Variants in PRKAG2 observed in about 807,000 individuals in gnomAD.
PRKAG2 encodes protein kinase AMP-activated non-catalytic subunit gamma 2, also known as 5'-AMP-activated protein kinase subunit gamma-2.
Under a neutral mutation model 69.6 loss-of-function variants are expected in PRKAG2, and 26 were observed. The observed-to-expected ratio is 0.37, with a 90% CI of 0.27 to 0.52. PRKAG2 has a LOEUF of 0.52. Among genes scored for constraint, PRKAG2 ranks in the 20% least tolerant of loss-of-function variants. The probability of loss-of-function intolerance (pLI) is 0.90; values close to 1 mark genes in which losing one functional copy is unlikely to be tolerated. For missense variants in PRKAG2, 557 were observed against 740.0 expected (o/e 0.75, Z 2.87); for synonymous variants, 293 against 285.0 (o/e 1.03, Z -0.28).
At chr7:151,693,060 G>T (rs903510211) in intron 3 of PRKAG2, among the ~76,000 whole-genome samples, 4 of 152,188 alleles carry the variant, frequency 2.6e-5, no homozygotes, top group African/African-American at 9.7e-5. Context: ...GAGCAGAAAG[G>T]GAGATCCCAC....
chr7:151,711,315 T>G (rs1214637670), intron 3 of PRKAG2, among the ~76,000 whole-genome samples: 5 of 147,386 alleles, frequency 3.4e-5, no homozygotes, highest in Admixed American at 2.7e-4. Context: ...GTGCTAGGTT[T>G]AGAGTACTGA....
At chr7:151,848,294 C>G (rs1777695005) in intron 1 of PRKAG2, among the ~76,000 whole-genome samples, 1 of 152,048 alleles carries the variant, frequency 6.6e-6, no homozygotes, top group Admixed American at 6.6e-5. Context: ...TGGAAGGAAC[C>G]AGTGAGGCCT....
At chr7:151,746,574 G>A (rs990699753) in intron 3 of PRKAG2, among the ~76,000 whole-genome samples, 2 of 152,216 alleles carry the variant, frequency 1.3e-5, no homozygotes, top group African/African-American at 4.8e-5. Context: ...CAGAGGACAT[G>A]GCCATTCTCT....
Position 151,835,744 on chromosome 7 carries a change from G to A in PRKAG2, c.114+40763C>T, listed in dbSNP as rs549362240. The stretch of plus-strand genomic sequence containing the variant: ...TCACCCAGCATCCTGGCCCCACCCT[G>A]GGCTTCCATTGGTCTGGATCGGACA... On this transcript the variant is annotated intron_variant, in intron 1 of 15. Transcript: ENST00000287878. This position sits in a 1 kb window ranked among gnomAD's most constrained non-coding sequence, Gnocchi z 4.1. 7.2e-5 allele frequency among the ~76,000 whole-genome samples: 11 copies of A among 152,338 alleles called. No individual in the cohort carries two copies. The East Asian group carries it at 7.7e-4, about 11-fold the overall frequency.
At chr7:151,855,205 A>C (rs879141670) in intron 1 of PRKAG2, among the ~76,000 whole-genome samples, 2 of 9,370 alleles carry the variant, frequency 2.1e-4, no homozygotes, top group South Asian at 2.0e-3. Context: ...CACACACACC[A>C]CCCTCCACAC....
intron 6 of PRKAG2, among the ~76,000 whole-genome samples, chr7:151,581,986 G>A (rs1810586923): frequency 6.6e-6 from 1 of 152,204 alleles, no homozygotes; most frequent in African/African-American, 2.4e-5. Context: ...ACATGTATGG[G>A]AAAGTATACG....
At chr7:151,798,713 G>A (rs964296985) in intron 1 of PRKAG2, among the ~76,000 whole-genome samples, 2 of 152,208 alleles carry the variant, frequency 1.3e-5, no homozygotes, top group Non-Finnish European at 2.9e-5. Context: ...TCAGGGAACA[G>A]AGAAGAGCTG....
chr7:151,740,365 C>A (rs1042232783), intron 3 of PRKAG2, among the ~76,000 whole-genome samples: 1 of 152,248 alleles, frequency 6.6e-6, no homozygotes, highest in Non-Finnish European at 1.5e-5. Context: ...TGTCTTGGGT[C>A]AGGGACCCTC....
intron 1 of PRKAG2, among the ~76,000 whole-genome samples, chr7:151,866,669 G>A (rs551943248): frequency 5.5e-4 from 83 of 152,272 alleles, no homozygotes; most frequent in African/African-American, 7.7e-4. Context: ...AGATGAGGAT[G>A]GGGCCCAGGT....
At chr7:151,584,486 T>C (rs1440231458) in intron 6 of PRKAG2, among the ~76,000 whole-genome samples, 2 of 151,466 alleles carry the variant, frequency 1.3e-5, no homozygotes, top group Non-Finnish European at 2.9e-5. Flanking sequence ...AAAAAAAAAA[T>C]CTTCCAAAAA....
At position 151,780,030 on chromosome 7, in the gene PRKAG2, C is replaced by A. The variant is rs1005442451; in HGVS notation, c.466+1122G>T. ...GAGCATGGTCAGGACCTGCCCCCCA[C>A]AACACACACACAACCCACAGGCGGG... On this transcript the variant is annotated intron_variant, in intron 3 of 15. Coordinates refer to ENST00000287878, the MANE Select transcript of PRKAG2 (RefSeq NM_016203.4). The surrounding 1 kb of genome is among the most constrained non-coding windows in gnomAD (Gnocchi z 4.2). 2.6e-5 allele frequency among the ~76,000 whole-genome samples: 4 copies of A among 152,040 alleles called. No individual in the cohort carries two copies. The highest frequency in any genetic ancestry group is 9.7e-5 in the African/African-American group (4 of 41,366).
rs1037448591 is a variant in PRKAG2, at chr7:151,724,340, C to T, written c.467-48703G>A. Among the ~76,000 whole-genome samples, 96 of 152,188 alleles carry T rather than the reference C, an allele frequency of 6.3e-4. 4 individuals carry two copies. The highest frequency in any genetic ancestry group is 2.1e-4 in the South Asian group (1 of 4,800). ...GACAGACTGCAGGGCTCTTCCAGCTCCCAGCCCCTTTGTCATCCTCTCAGC... is the reference window on the plus strand; with the variant it reads ...GACAGACTGCAGGGCTCTTCCAGCTTCCAGCCCCTTTGTCATCCTCTCAGC... On this transcript the variant is annotated intron_variant, in intron 3 of 15. Coordinates refer to ENST00000287878, the MANE Select transcript of PRKAG2 (RefSeq NM_016203.4).
rs2727555 is a variant in PRKAG2 at position 151,711,719 on chromosome 7, G to A, written c.467-36082C>T. ...TAGATATTTATCAAATGTGTTGAAGGAACGAGGAAGAGAACAGGCTCTCCA... is the reference window on the plus strand; with the variant it reads ...TAGATATTTATCAAATGTGTTGAAGAAACGAGGAAGAGAACAGGCTCTCCA... On this transcript the variant is annotated intron_variant, in intron 3 of 15. Coordinates refer to ENST00000287878, the MANE Select transcript of PRKAG2 (RefSeq NM_016203.4). 1.3e-3 allele frequency among the ~76,000 whole-genome samples: 191 copies of A among 152,354 alleles called. 1 individual carries two copies. The highest frequency in any genetic ancestry group is 7.7e-3 in the South Asian group (37 of 4,830).
At chr7:151,590,258 G>C (rs930376949) in intron 6 of PRKAG2, among the ~76,000 whole-genome samples, 4 of 152,218 alleles carry the variant, frequency 2.6e-5, no homozygotes, top group African/African-American at 9.6e-5. Flanking sequence ...CCAGGTCTGG[G>C]ACCTGCACCC....
chr7:151,559,157 GT>G (rs1298439806), intron 15 of PRKAG2: 4 of 984,082 alleles, frequency 4.1e-6, no homozygotes, highest in Non-Finnish European at 4.8e-6. Flanking sequence ...TTTAATGATG[GT>G]CTGGATGAGC....
At chr7:151,776,321 T>C (rs1014730909) in intron 3 of PRKAG2, among the ~76,000 whole-genome samples, 7 of 152,220 alleles carry the variant, frequency 4.6e-5, no homozygotes, top group African/African-American at 1.7e-4. Flanking sequence ...GCCCGGCCCC[T>C]GGCTGTCTAC....
chr7:151,728,093 G>A (rs921432497), intron 3 of PRKAG2, among the ~76,000 whole-genome samples: 7 of 152,252 alleles, frequency 4.6e-5, no homozygotes, highest in South Asian at 2.1e-4. Context: ...GGGCCTGACC[G>A]GGAGGGGAGA....
chr7:151,852,760 G>T (rs1209217355), intron 1 of PRKAG2, among the ~76,000 whole-genome samples: 1 of 152,096 alleles, frequency 6.6e-6, no homozygotes, highest in African/African-American at 2.4e-5. Context: ...GAGGCCAGGG[G>T]TGTGCACGGA....
At chr7:151,643,033 A>G (rs149574473) in intron 4 of PRKAG2, among the ~76,000 whole-genome samples, 12 of 152,394 alleles carry the variant, frequency 7.9e-5, no homozygotes, top group Non-Finnish European at 1.5e-4. Flanking sequence ...GAGAATCAGC[A>G]TGATTGCCTT....
Sources: allele counts gnomAD v4.1 joint callset (sites outside exome capture counted in the v4.1 genomes callset), GRCh38; gene constraint gnomAD v4.1.1; non-coding constraint Gnocchi (gnomAD v3.1); transcripts MANE v1.5; gene names NCBI Gene and HGNC (gene_info 2026-07-23, HGNC 2026-07-21).